Variants in SDK1 observed in about 807,000 individuals in gnomAD.
SDK1 encodes protein sidekick-1.
Under a neutral mutation model 245.5 loss-of-function variants are expected in SDK1, and 157 were observed. That is an observed-to-expected ratio of 0.64 (90% CI 0.56 to 0.73). The LOEUF (loss-of-function observed/expected upper bound fraction) is 0.73. SDK1 is among the 30% of genes least tolerant of loss of function. The pLI is 0.00. For missense variants in SDK1, 3,583 were observed against 3,002.3 expected (o/e 1.19, Z -4.52); for synonymous variants, 1,647 against 1,278.5 (o/e 1.29, Z -6.15).
chr7:3,695,185 A>T (rs959443874), intron 4 of SDK1, among the ~76,000 whole-genome samples: 1 of 152,240 alleles, frequency 6.6e-6, no homozygotes, highest in African/African-American at 2.4e-5. Flanking sequence ...AGCATGGTCT[A>T]CTTACACTAG....
intron 5 of SDK1, among the ~76,000 whole-genome samples, chr7:3,847,381 A>G (rs761398807): frequency 5.3e-5 from 8 of 152,082 alleles, no homozygotes; most frequent in Non-Finnish European, 1.2e-4. Context: ...GATTTTCCTG[A>G]TTCTATTTCT....
intron 14 of SDK1, among the ~76,000 whole-genome samples, chr7:3,995,122 C>T (rs771874213): frequency 2.6e-5 from 4 of 152,178 alleles, no homozygotes; most frequent in Non-Finnish European, 5.9e-5. Context: ...CCACCCCCTG[C>T]CTCTCCGATT....
intron 4 of SDK1, among the ~76,000 whole-genome samples, chr7:3,748,647 G>C (rs569673442): frequency 6.6e-5 from 10 of 152,304 alleles, no homozygotes; most frequent in African/African-American, 2.4e-4. Context: ...TACATGTTCA[G>C]TTTCCTCATG....
At chr7:3,717,807 C>T (rs1785245641) in intron 4 of SDK1, among the ~76,000 whole-genome samples, 1 of 152,068 alleles carries the variant, frequency 6.6e-6, no homozygotes, top group African/African-American at 2.4e-5. Flanking sequence ...TGGCAGAGAT[C>T]ATTTGACTTG....
intron 14 of SDK1, among the ~76,000 whole-genome samples, chr7:3,989,670 C>T (rs1784149119): frequency 6.6e-6 from 1 of 152,200 alleles, no homozygotes; most frequent in Admixed American, 6.5e-5. Flanking sequence ...GTCCCTGGTG[C>T]TGCTCACTTT....
chr7:3,708,168 G>A (rs1784945024), intron 4 of SDK1, among the ~76,000 whole-genome samples: 1 of 152,110 alleles, frequency 6.6e-6, no homozygotes, highest in Non-Finnish European at 1.5e-5. Flanking sequence ...AATGAGAGGG[G>A]AGATGCCACA....
At chr7:3,681,285 G>C (rs960629634) in intron 4 of SDK1, among the ~76,000 whole-genome samples, 2 of 152,088 alleles carry the variant, frequency 1.3e-5, no homozygotes, top group Non-Finnish European at 2.9e-5. Context: ...TGTAGCATTC[G>C]TATTTGTTCT....
chr7:4,058,567 A>G (rs1779339737), intron 19 of SDK1, among the ~76,000 whole-genome samples: 1 of 152,198 alleles, frequency 6.6e-6, no homozygotes, highest in African/African-American at 2.4e-5. Flanking sequence ...AAATTATCAA[A>G]AGTTGAAGAC....
At chr7:3,892,660 G>A (rs937599608) in intron 5 of SDK1, among the ~76,000 whole-genome samples, 1 of 152,198 alleles carries the variant, frequency 6.6e-6, no homozygotes, top group African/African-American at 2.4e-5. Flanking sequence ...ATCAAGAACA[G>A]CCATATTGCA....
At position 4,051,795 on chromosome 7, in the gene SDK1, C is replaced by T; in HGVS notation, c.2876C>T (p.Pro959Leu). ...LCFTTPGDGP[P>L]STPQLVWTQE... ...TTCACCACCCCTGGGGACGGGCCTC[C>T]CAGCACACCTCAGCTGGTCTGGACT... The change falls in exon 19 of 45, where the codon CCC (proline) becomes CTC (leucine). Residue 959 changes from proline to leucine, a missense_variant. Physicochemically the swap from Pro to Leu is moderately conservative, Grantham distance 98 (BLOSUM62 -3). Coordinates refer to ENST00000404826, the MANE Select transcript of SDK1 (RefSeq NM_152744.4). The T allele has an allele frequency of 6.2e-7, 1 of 1,613,590 alleles. No individual in the cohort carries two copies. The highest frequency in any genetic ancestry group is 8.5e-7 in the Non-Finnish European group (1 of 1,179,792).
At chr7:4,009,980 G>A (rs1785806420) in intron 14 of SDK1, among the ~76,000 whole-genome samples, 1 of 152,222 alleles carries the variant, frequency 6.6e-6, no homozygotes, top group Non-Finnish European at 1.5e-5. Flanking sequence ...AGCTGGTACT[G>A]TCTGCAGGCT....
chr7:3,424,403 A>G (rs535263835), intron 1 of SDK1, among the ~76,000 whole-genome samples: 1 of 152,154 alleles, frequency 6.6e-6, no homozygotes, highest in Non-Finnish European at 1.5e-5. Context: ...TAGTTATACC[A>G]CCCTCAAATA....
intron 1 of SDK1, among the ~76,000 whole-genome samples, chr7:3,438,946 G>C (rs768544645): frequency 1.3e-5 from 2 of 149,196 alleles, no homozygotes; most frequent in Non-Finnish European, 3.0e-5. Flanking sequence ...TCTGCCTCCT[G>C]GGTTGAAGTG....
intron 10 of SDK1, 42 bp from the exon 11 acceptor site, chr7:3,969,215 C>T (rs149203789): frequency 8.7e-5 from 130 of 1,499,106 alleles, no homozygotes; most frequent in Non-Finnish European, 1.1e-4. Flanking sequence ...TTCCTTCAAG[C>T]GTTACGACTG....
chr7:3,788,540 A>G (rs1302549554), intron 4 of SDK1, among the ~76,000 whole-genome samples: 1 of 152,150 alleles, frequency 6.6e-6, no homozygotes, highest in African/African-American at 2.4e-5. Context: ...TGTGATTCTG[A>G]TGCCATGATT....
rs551204019 is a variant in SDK1 at position 4,229,052 on chromosome 7, GA to G, written c.5828-4198del. Reference sequence around the variant, plus strand: ...GGCACTGGGGACTGTCCAGAACATGGAAAAATTGGTTGCATAAATCTCATTT... The same window carrying G: ...GGCACTGGGGACTGTCCAGAACATGGAAAATTGGTTGCATAAATCTCATTT... On this transcript the variant is annotated intron_variant, in intron 40 of 44. Coordinates refer to ENST00000404826, the MANE Select transcript of SDK1 (RefSeq NM_152744.4). Among the ~76,000 whole-genome samples the G allele has an allele frequency of 3.3e-5, 5 of 152,312 alleles. No individual in the cohort carries two copies. In the East Asian group the frequency reaches 9.6e-4, roughly 29 times the overall value.
At chr7:3,348,677 G>T (rs1275627088) in intron 1 of SDK1, among the ~76,000 whole-genome samples, 3 of 152,066 alleles carry the variant, frequency 2.0e-5, no homozygotes, top group African/African-American at 4.8e-5. Context: ...ACCTGTGTAT[G>T]TACCCCCAAA....
chr7:4,104,065 C>G (rs1431542500), intron 22 of SDK1, among the ~76,000 whole-genome samples: 2 of 152,226 alleles, frequency 1.3e-5, no homozygotes, highest in Non-Finnish European at 2.9e-5. Flanking sequence ...TAGAGCCCTG[C>G]TTGTTTGTGT....
At chr7:3,750,222 G>A (rs1779735999) in intron 4 of SDK1, among the ~76,000 whole-genome samples, 1 of 152,194 alleles carries the variant, frequency 6.6e-6, no homozygotes, top group African/African-American at 2.4e-5. Context: ...CTAAAAGAAG[G>A]TGTTTGATTT....
Sources: allele counts gnomAD v4.1 joint callset (sites outside exome capture counted in the v4.1 genomes callset), GRCh38; gene constraint gnomAD v4.1.1; transcripts MANE v1.5; gene names NCBI Gene and HGNC (gene_info 2026-07-23, HGNC 2026-07-21).